FAS: variants seen among roughly 807,000 people sequenced by gnomAD.
The protein encoded by FAS is Fas cell surface death receptor.
In FAS, 5 loss-of-function variants were observed where a neutral mutation model predicts 33.2. The observed-to-expected ratio is 0.15, with a 90% CI of 0.08 to 0.32. The LOEUF (loss-of-function observed/expected upper bound fraction) is 0.32. Among genes scored for constraint, FAS ranks in the 10% least tolerant of loss-of-function variants. FAS has a pLI of 1.00. For synonymous variants in FAS, 131 were observed against 130.7 expected, an observed-to-expected ratio of 1.00 and a Z score of -0.01; for missense variants, 339 against 386.0, an observed-to-expected ratio of 0.88 and a Z score of 1.02.
chr10:88,968,175 C>G (rs866656587), intron 1 of FAS, among the ~76,000 whole-genome samples: 1 of 152,054 alleles, frequency 6.6e-6, no homozygotes, highest in Admixed American at 6.6e-5. Flanking sequence ...GTATTTAAAT[C>G]GCTAAAAACT....
intron 1 of FAS, among the ~76,000 whole-genome samples, chr10:88,966,184 G>T (rs1409039594): frequency 6.6e-6 from 1 of 152,194 alleles, no homozygotes; most frequent in Non-Finnish European, 1.5e-5. Context: ...GGTAAGAAGG[G>T]AATGTGATAC....
At chr10:88,989,659 A>G (rs1847049419), upstream of FAS, 2 of 478,904 alleles carry the variant, frequency 4.2e-6, no homozygotes, top group Admixed American at 2.3e-5. Context: ...TGAGGGCCCA[A>G]ACAGGCTCCA....
Position 89,014,191 on chromosome 10 carries a change from G to A in FAS, c.749G>A (p.Arg250Gln), listed in dbSNP as rs121913080. 6.2e-7 allele frequency: 1 copy of A among 1,613,834 alleles called. No homozygotes were observed. The highest frequency in any genetic ancestry group is 8.5e-7 in the Non-Finnish European group (1 of 1,179,896). Reference sequence around the variant, plus strand: ...CTAAGTCAAGTTAAAGGCTTTGTTCGAAAGAATGGTGTCAATGAAGCCAAA... The same window carrying A: ...CTAAGTCAAGTTAAAGGCTTTGTTCAAAAGAATGGTGTCAATGAAGCCAAA... ...MTLSQVKGFV[R>Q]KNGVNEAKID... Residue 250 changes from arginine (R) to glutamine (Q), a missense_variant, in exon 9 of 9, where the codon CGA (arginine) becomes CAA (glutamine). Coordinates refer to ENST00000652046, the MANE Select transcript of FAS (RefSeq NM_000043.6).
intron 1 of FAS, chr10:88,991,501 C>G (rs1847215930): frequency 6.1e-6 from 1 of 163,702 alleles, no homozygotes; most frequent in Non-Finnish European, 1.3e-5. Context: ...AGAACGGCAC[C>G]TTTTCTTTCT....
At chr10:89,011,198 C>T (rs563681678) in intron 6 of FAS, among the ~76,000 whole-genome samples, 3 of 152,338 alleles carry the variant, frequency 2.0e-5, no homozygotes, top group African/African-American at 7.2e-5. Flanking sequence ...AAAACTTGTA[C>T]TTCACTGCCT....
chr10:88,990,894 C>G lies in FAS; in HGVS notation c.18C>G (p.Thr6=). 6.2e-7 allele frequency: 1 copy of G among 1,614,230 alleles called. No homozygotes were observed. The highest frequency in any genetic ancestry group is 1.3e-5 in the African/African-American group (1 of 75,070). Reference sequence around the variant, plus strand: ...CAACAACCATGCTGGGCATCTGGACCCTCCTACCTCTGGTGAGCCCTCTCC... The same window carrying G: ...CAACAACCATGCTGGGCATCTGGACGCTCCTACCTCTGGTGAGCCCTCTCC... MLGIW[T]LLPLVLTSVA... is the part of the protein sequence containing the mutation. The change falls in exon 1 of 9, where the codon ACC becomes ACG. Residue 6 remains threonine, a synonymous_variant. Coordinates refer to ENST00000652046, the MANE Select transcript of FAS (RefSeq NM_000043.6). This position sits in a 1 kb window ranked among gnomAD's most constrained non-coding sequence, Gnocchi z 4.9.
At chr10:88,970,122 A>G (rs1211226877) in intron 1 of FAS, among the ~76,000 whole-genome samples, 1 of 152,206 alleles carries the variant, frequency 6.6e-6, no homozygotes, top group African/African-American at 2.4e-5. Context: ...CTTATACTTA[A>G]TGTTAAAATT....
chr10:89,015,318 C>T lies in FAS; in HGVS notation c.*868C>T, dbSNP rs1848748138. ...GCAAGACTGCCCTTAGAAATTCTAG[C>T]CTGGTTTGGAGATACTAACTGCTCT... On this transcript the variant is annotated 3_prime_UTR_variant, in exon 9 of 9. Coordinates refer to ENST00000652046, the MANE Select transcript of FAS (RefSeq NM_000043.6). 3.7e-6 allele frequency: 2 copies of T among 534,700 alleles called. No individual in the cohort carries two copies. Among genetic ancestry groups the T allele is most frequent in the South Asian group, 3.1e-5 (2 of 65,156 alleles). 33.1% of individuals were successfully genotyped at this position (534,700 alleles called of 1,614,324 possible).
rs766315303 is a variant in FAS, at chr10:89,014,900, A to G, written c.*450A>G. 5 of 535,724 alleles carry G rather than the reference A, an allele frequency of 9.3e-6. 1 individual carries two copies. The highest frequency in any genetic ancestry group is 6.1e-5 in the South Asian group (4 of 65,188). The allele number at this position is 535,724 out of a possible 1,614,324, so 33.2% of individuals were successfully genotyped here. On this transcript the variant is annotated 3_prime_UTR_variant, in exon 9 of 9. Transcript: ENST00000652046. ...CCACTTTGCCTCTAAATTACCTCTG[A>G]TAATTCTAGAGATTTTACCATATTT...
intron 1 of FAS, among the ~76,000 whole-genome samples, chr10:88,965,147 A>C (rs951663930): frequency 6.6e-6 from 1 of 151,854 alleles, no homozygotes; most frequent in East Asian, 1.9e-4. Context: ...TGCTCCAATC[A>C]CTCCAGTGAT....
At chr10:89,010,842 A>G (rs1418694465) in intron 6 of FAS, 27 bp downstream of exon 6, 7 of 1,612,614 alleles carry the variant, frequency 4.3e-6, no homozygotes. Flanking sequence ...TTCAAACTGC[A>G]GATTGAAATA....
rs1465018434 is a variant in FAS, at chr10:89,012,371, G to T, written c.651+290G>T. ...TATTTTTATTTTTTATAGAGACAGGGTTCACTTTGTTGCCCAGGCTGGTCT... is the reference window on the plus strand; with the variant it reads ...TATTTTTATTTTTTATAGAGACAGGTTTCACTTTGTTGCCCAGGCTGGTCT... On this transcript the variant is annotated intron_variant, in intron 7 of 8. Coordinates refer to ENST00000652046, the MANE Select transcript of FAS (RefSeq NM_000043.6). 1.8e-5 allele frequency: 6 copies of T among 333,310 alleles called. No homozygotes were observed. The East Asian group carries it at 2.3e-4, about 13-fold the overall frequency. The allele number at this position is 333,310 out of a possible 1,614,324, so 20.6% of individuals were successfully genotyped here. A position where few individuals can be genotyped will look rare whatever the true frequency, so the allele number is the denominator to read the frequency against.
intron 1 of FAS, among the ~76,000 whole-genome samples, chr10:88,996,175 C>T (rs1847576682): frequency 6.8e-6 from 1 of 147,016 alleles, no homozygotes; most frequent in South Asian, 2.1e-4. Context: ...GAGAGGAAGT[C>T]AGAGTATGCG....
At chr10:89,011,864 C>T (rs895981148) in intron 6 of FAS, 135 bp from the exon 7 acceptor site, 17 of 781,058 alleles carry the variant, frequency 2.2e-5, no homozygotes, top group South Asian at 6.4e-5. Context: ...CGGTCTCCTG[C>T]GATGTTTGGC....
At chr10:88,984,498 T>G (rs1846815876), upstream of FAS, among the ~76,000 whole-genome samples, 1 of 152,266 alleles carries the variant, frequency 6.6e-6, no homozygotes, top group African/African-American at 2.4e-5. Flanking sequence ...CAAATGTGAT[T>G]CTGCATTTAA....
intron 2 of FAS, among the ~76,000 whole-genome samples, chr10:88,976,858 T>C (rs1239085108): frequency 6.6e-6 from 1 of 152,248 alleles, no homozygotes; most frequent in Non-Finnish European, 1.5e-5. Context: ...TTTCATTAAA[T>C]ATTATTAGAG....
upstream of FAS, among the ~76,000 whole-genome samples, chr10:88,989,850 C>G (rs1487228743): frequency 6.6e-6 from 1 of 152,204 alleles, no homozygotes; most frequent in African/African-American, 2.4e-5. Context: ...CAGTCTGGAA[C>G]TGCATCCAAA....
chr10:88,982,741 A>C (rs1268581605), upstream of FAS, among the ~76,000 whole-genome samples: 1 of 152,184 alleles, frequency 6.6e-6, no homozygotes, highest in East Asian at 1.9e-4. Context: ...AATTCAGCCT[A>C]AGCAGTGTAA....
At chr10:88,992,830 C>T (rs1238029457) in intron 1 of FAS, among the ~76,000 whole-genome samples, 4 of 152,176 alleles carry the variant, frequency 2.6e-5, no homozygotes, top group Admixed American at 6.5e-5. Context: ...ACATGCCTAA[C>T]ATCAGGCCTT....
Sources: gnomAD v4.1 joint callset for allele counts (sites outside exome capture counted in the v4.1 genomes callset) on GRCh38, gnomAD v4.1.1 for gene constraint, Gnocchi (gnomAD v3.1) non-coding constraint, MANE v1.5 for transcripts, NCBI Gene and HGNC (gene_info 2026-07-23, HGNC 2026-07-21) for gene names.